WDR12: variants seen among roughly 807,000 people sequenced by gnomAD.
WDR12 encodes ribosome biogenesis protein WDR12.
WDR12 carries 42 observed loss-of-function variants against 64.3 expected under a neutral mutation model. That is an observed-to-expected ratio of 0.65 (90% CI 0.51 to 0.84). WDR12 has a LOEUF of 0.84. Among genes scored for constraint, WDR12 ranks in the 40% least tolerant of loss-of-function variants. The probability of loss-of-function intolerance (pLI) is 0.00; values close to 1 mark genes in which losing one functional copy is unlikely to be tolerated. For synonymous variants in WDR12, 158 were observed against 173.3 expected (o/e 0.91, Z 0.70); for missense variants, 469 against 494.6 (o/e 0.95, Z 0.49).
intron 12 of WDR12, among the ~76,000 whole-genome samples, chr2:202,881,552 G>A (rs562355530): frequency 3.6e-4 from 54 of 152,008 alleles, no homozygotes; most frequent in Non-Finnish European, 5.6e-4. Flanking sequence ...AGGCTGAGGC[G>A]GGAGAACTGC....
At chr2:202,898,268 A>G (rs1359540120) in intron 4 of WDR12, among the ~76,000 whole-genome samples, 2 of 152,026 alleles carry the variant, frequency 1.3e-5, no homozygotes, top group African/African-American at 4.8e-5. Flanking sequence ...CTCCTGCCTC[A>G]GCCTCCCGAG....
At chr2:202,897,452 A>G in intron 4 of WDR12, 37 bp from the exon 5 acceptor site, 1 of 1,225,318 alleles carries the variant, frequency 8.2e-7, no homozygotes, top group Non-Finnish European at 1.1e-6. Flanking sequence ...CACAAAAAGC[A>G]GTTTTTCCAA....
chr2:202,894,481 T>C (rs564356537), intron 7 of WDR12, 100 bp downstream of exon 7: 298 of 1,021,502 alleles, frequency 2.9e-4, no homozygotes, highest in Admixed American at 5.3e-4. Flanking sequence ...CCTGGCTTCC[T>C]GAAGTGCTGA....
intron 1 of WDR12, among the ~76,000 whole-genome samples, chr2:202,910,988 A>G (rs34048914): frequency 0.17 from 25,951 of 152,216 alleles, 2,751 homozygotes; most frequent in East Asian, 0.52. Flanking sequence ...ACACAAAGAA[A>G]GCTAACAATG....
rs564154733 is a variant in WDR12, at chr2:202,898,081, C to G, written c.339-666G>C. ...GTTAATATTCCAAAACCACCCCCAC[C>G]CAAAAAAAATCCTACATCCAAAATA... On this transcript the variant is annotated intron_variant, in intron 4 of 12. Transcript: ENST00000261015. Among the ~76,000 whole-genome samples the G allele has an allele frequency of 1.4e-4, 21 of 150,660 alleles. No homozygotes were observed. In the South Asian group the frequency reaches 2.5e-3, roughly 18 times the overall value.
intron 8 of WDR12, among the ~76,000 whole-genome samples, chr2:202,884,960 CT>C (rs1369285020): frequency 6.6e-6 from 1 of 152,200 alleles, no homozygotes; most frequent in Non-Finnish European, 1.5e-5. Flanking sequence ...TTCTCCCCCC[CT>C]CTTTTCTTCT....
intron 8 of WDR12, among the ~76,000 whole-genome samples, chr2:202,888,468 A>G (rs1688090593): frequency 6.6e-6 from 1 of 152,216 alleles, no homozygotes; most frequent in African/African-American, 2.4e-5. Flanking sequence ...TAAAAGTAGA[A>G]AAGTCAACAT....
At chr2:202,907,838 T>C (rs1196827631) in intron 2 of WDR12, 27 bp downstream of exon 2, 3 of 1,547,782 alleles carry the variant, frequency 1.9e-6, no homozygotes, top group East Asian at 2.2e-5. Context: ...AGGGACACTG[T>C]GCCCTCTCCT....
At position 202,877,361 on chromosome 2, in the gene WDR12, AT is replaced by A. The variant is rs1687877134; in HGVS notation, c.*3498del. ...TGGCCAAGTAATTTCTTAAAACTTT[AT>A]TTGGGCTGGGTGCGGTGGCTCATGC... On this transcript the variant is annotated 3_prime_UTR_variant, in exon 13 of 13. Coordinates refer to ENST00000261015, the MANE Select transcript of WDR12 (RefSeq NM_018256.4). 6.6e-6 allele frequency: 1 copy of A among 152,060 alleles called. No individual in the cohort carries two copies. Among genetic ancestry groups the A allele is most frequent in the Admixed American group, 6.5e-5 (1 of 15,270 alleles). 9.4% of individuals were successfully genotyped at this position (152,060 alleles called of 1,614,324 possible). A position where few individuals can be genotyped will look rare whatever the true frequency, so the allele number is the denominator to read the frequency against.
At chr2:202,904,138 CAAAAAAAAA>C (rs34378996) in intron 2 of WDR12, among the ~76,000 whole-genome samples, 10 of 38,532 alleles carry the variant, frequency 2.6e-4, no homozygotes, top group Admixed American at 7.4e-4. Flanking sequence ...AACTCTGTCT[CAAAAAAAAA>C]AAAAAAAAAA....
At chr2:202,886,247 A>T (rs1688045510) in intron 8 of WDR12, among the ~76,000 whole-genome samples, 1 of 151,544 alleles carries the variant, frequency 6.6e-6, no homozygotes, top group African/African-American at 2.4e-5. Flanking sequence ...ACTTGAGCTC[A>T]GGAGTTCAAG....
chr2:202,895,826 G>A (rs187950474), intron 6 of WDR12, among the ~76,000 whole-genome samples: 25 of 151,716 alleles, frequency 1.6e-4, no homozygotes, highest in Admixed American at 1.1e-3. Flanking sequence ...CACCGCGCCC[G>A]GCCCATACCT....
At chr2:202,900,581 AT>A (rs949743748) in intron 3 of WDR12, among the ~76,000 whole-genome samples, 9 of 152,282 alleles carry the variant, frequency 5.9e-5, no homozygotes, top group African/African-American at 2.2e-4. Flanking sequence ...TATAAGTTAT[AT>A]TTTTAATCAT....
At chr2:202,891,016 A>G (rs866199144) in intron 8 of WDR12, among the ~76,000 whole-genome samples, 66 of 150,680 alleles carry the variant, frequency 4.4e-4, no homozygotes, top group East Asian at 1.4e-3. Context: ...AAAAAAAAAA[A>G]AGAGAATAAA....
chr2:202,884,348 C>A, intron 9 of WDR12, 45 bp from the exon 10 acceptor site: 1 of 1,613,402 alleles, frequency 6.2e-7, no homozygotes. Flanking sequence ...AGACTAAAAA[C>A]CATCTCTAGA....
At chr2:202,888,216 C>A (rs1456738238) in intron 8 of WDR12, among the ~76,000 whole-genome samples, 1 of 152,164 alleles carries the variant, frequency 6.6e-6, no homozygotes, top group Non-Finnish European at 1.5e-5. Context: ...AAGCTATATA[C>A]ACTATACTGT....
In WDR12 at chr2:202,907,855, A is replaced by T; in HGVS notation, c.136+10T>A. The T allele has an allele frequency of 6.2e-7, 1 of 1,604,760 alleles. No homozygotes were observed. Among genetic ancestry groups the T allele is most frequent in the Non-Finnish European group, 8.5e-7 (1 of 1,171,802 alleles). On this transcript the variant is annotated intron_variant, in intron 2 of 12. Transcript: ENST00000261015. ...GGACACTGTGCCCTCTCCTAAGCATATATACCCACCATTTTTGTCCTTTAG... is the reference window on the plus strand; with the variant it reads ...GGACACTGTGCCCTCTCCTAAGCATTTATACCCACCATTTTTGTCCTTTAG...
chr2:202,911,554 A>C lies in WDR12; in HGVS notation c.-78T>G, dbSNP rs1688655956. The C allele has an allele frequency of 6.5e-6, 9 of 1,387,892 alleles. No individual in the cohort carries two copies. Among genetic ancestry groups the C allele is most frequent in the Non-Finnish European group, 9.2e-6 (9 of 974,578 alleles). The allele number at this position is 1,387,892 out of a possible 1,614,324, so 86.0% of individuals were successfully genotyped here. ...CAACACGAAGCTCCTGCCTTTTAAG[A>C]CTACAAAGAGGCAGCTCAAAATTAG... On this transcript the variant is annotated 5_prime_UTR_variant, in exon 1 of 13. Coordinates refer to ENST00000261015, the MANE Select transcript of WDR12 (RefSeq NM_018256.4).
intron 8 of WDR12, among the ~76,000 whole-genome samples, chr2:202,886,406 T>G (rs1688050044): frequency 6.6e-6 from 1 of 152,020 alleles, no homozygotes; most frequent in Non-Finnish European, 1.5e-5. Context: ...TGCCATTAGC[T>G]GAGATTGTGC....
Sources: allele counts gnomAD v4.1 joint callset (sites outside exome capture counted in the v4.1 genomes callset), GRCh38; gene constraint gnomAD v4.1.1; transcripts MANE v1.5; gene names NCBI Gene and HGNC (gene_info 2026-07-23, HGNC 2026-07-21).